Variants in PCDHGA2 observed in about 807,000 individuals in gnomAD.
The protein encoded by PCDHGA2 is protocadherin gamma subfamily A, 2, also known as protocadherin gamma-A2.
A neutral mutation model predicts 59.2 loss-of-function variants in PCDHGA2; 40 were observed. The ratio of observed to expected loss-of-function variants is 0.68; its 90% confidence interval spans 0.52 to 0.88. The LOEUF is 0.88. PCDHGA2 is among the 40% of genes least tolerant of loss of function. The pLI, the probability that PCDHGA2 is intolerant of heterozygous loss-of-function variation, is 0.00. For synonymous variants in PCDHGA2, 560 were observed against 526.0 expected (o/e 1.06, Z -0.89); for missense variants, 1,226 against 1,204.0 (o/e 1.02, Z -0.27).
chr5:141,395,547 TGTGTGTGTG>T (rs754815609), intron 1 of PCDHGA2: 25,854 of 174,180 alleles, frequency 0.15, 2,316 homozygotes, highest in South Asian at 0.18. Flanking sequence ...ATTGTTTGTG[TGTGTGTGTG>T]TGTGTGTGTG....
chr5:141,339,806 T>C lies in PCDHGA2; in HGVS notation c.835T>C (p.Tyr279His). The part of the protein sequence containing the change: ...ADEGYYAQVV[Y>H]FLEKSPGETS... ...TGAGGGCTACTACGCTCAAGTGGTATATTTTCTAGAGAAAAGCCCTGGAGA... is the reference window on the plus strand; with the variant it reads ...TGAGGGCTACTACGCTCAAGTGGTACATTTTCTAGAGAAAAGCCCTGGAGA... The change falls in exon 1 of 4, where the codon TAT (tyrosine) becomes CAT (histidine). Residue 279 changes from tyrosine to histidine, a missense_variant. Transcript: ENST00000394576. 1 of 1,614,084 alleles carries C rather than the reference T, an allele frequency of 6.2e-7. No homozygotes were observed. The highest frequency in any genetic ancestry group is 2.2e-5 in the East Asian group (1 of 44,894).
intron 1 of PCDHGA2, chr5:141,383,762 T>G (rs777698869): frequency 4.3e-6 from 7 of 1,613,846 alleles, no homozygotes; most frequent in Non-Finnish European, 5.9e-6. Context: ...ACTCCTAAAC[T>G]TCCAAAGATG....
At chr5:141,377,431 A>T (rs1773974129) in intron 1 of PCDHGA2, 1 of 152,002 alleles carries the variant, frequency 6.6e-6, no homozygotes, top group East Asian at 1.9e-4. Context: ...CTCTGTCTCT[A>T]CCAAAAAGAA....
chr5:141,487,162 G>T lies in PCDHGA2; in HGVS notation c.2425-7645G>T, dbSNP rs2099640627. 6.2e-7 allele frequency: 1 copy of T among 1,613,496 alleles called. No individual in the cohort carries two copies. Among genetic ancestry groups the T allele is most frequent in the African/African-American group, 1.3e-5 (1 of 75,026 alleles). On this transcript the variant is annotated intron_variant, in intron 1 of 3. Transcript: ENST00000394576. This position sits in a 1 kb window ranked among gnomAD's most constrained non-coding sequence, Gnocchi z 5.0. ...TCTCTACCTCTGTTACTCTCTTAGTGTCCTTAGAGGAAGACACTCATCCAG... is the reference window on the plus strand; with the variant it reads ...TCTCTACCTCTGTTACTCTCTTAGTTTCCTTAGAGGAAGACACTCATCCAG...
chr5:141,398,799 C>A, intron 1 of PCDHGA2: 1 of 1,613,966 alleles, frequency 6.2e-7, no homozygotes, highest in South Asian at 1.1e-5. Context: ...CCCTAAGCGG[C>A]ACCACTGAGC....
At chr5:141,413,271 C>T in intron 1 of PCDHGA2, 1 of 1,613,940 alleles carries the variant, frequency 6.2e-7, no homozygotes, top group Non-Finnish European at 8.5e-7. Flanking sequence ...AGGCTGGAGC[C>T]CGGCAGATCT....
chr5:141,454,272 A>G (rs1226625529), intron 1 of PCDHGA2, among the ~76,000 whole-genome samples: 1 of 152,200 alleles, frequency 6.6e-6, no homozygotes, highest in Non-Finnish European at 1.5e-5. Context: ...ATGCCAGCAA[A>G]AACTTCACAT....
At chr5:141,422,806 C>A in intron 1 of PCDHGA2, 1 of 1,614,208 alleles carries the variant, frequency 6.2e-7, no homozygotes, top group Non-Finnish European at 8.5e-7. Flanking sequence ...TGAGCAGTTT[C>A]GAGACTTAGA....
chr5:141,393,393 C>G (rs1244010216), intron 1 of PCDHGA2: 2 of 1,613,900 alleles, frequency 1.2e-6, no homozygotes, highest in African/African-American at 1.3e-5. Context: ...AAACCCAGAG[C>G]TGGTGCTGGA....
intron 1 of PCDHGA2, chr5:141,355,950 T>A: frequency 6.2e-7 from 1 of 1,613,924 alleles, no homozygotes; most frequent in Non-Finnish European, 8.5e-7. Flanking sequence ...ACCACGTAAG[T>A]GTTCGTGAGA....
At chr5:141,382,654 A>G in intron 1 of PCDHGA2, 1 of 413,618 alleles carries the variant, frequency 2.4e-6, no homozygotes, top group Non-Finnish European at 4.3e-6. Flanking sequence ...CTTAGTAAGG[A>G]CTCACAGCGC....
chr5:141,373,227 T>A (rs545943961), intron 1 of PCDHGA2, among the ~76,000 whole-genome samples: 1 of 152,232 alleles, frequency 6.6e-6, no homozygotes. Flanking sequence ...AACCTGTATA[T>A]AATATTTTTA....
In PCDHGA2 at chr5:141,340,567, G is replaced by A. The variant is rs1756958704; in HGVS notation, c.1596G>A (p.Val532=). The change falls in exon 1 of 4, where the codon GTG becomes GTA. Residue 532 remains valine (V), a synonymous_variant. Transcript: ENST00000394576. The stretch of plus-strand genomic sequence containing the variant: ...AGTTGCGAGACTTGCAAGTGTGGGT[G>A]ATAGCGCGGGACAGCGGGAACCCTC... ...YEQLRDLQVW[V]IARDSGNPPL... is the part of the protein sequence containing the mutation. The A allele has an allele frequency of 6.2e-7, 1 of 1,614,244 alleles. No homozygotes were observed. Among genetic ancestry groups the A allele is most frequent in the Non-Finnish European group, 8.5e-7 (1 of 1,180,046 alleles).
chr5:141,395,195 C>T (rs1317395472), intron 1 of PCDHGA2: 1 of 1,613,760 alleles, frequency 6.2e-7, no homozygotes, highest in Admixed American at 1.7e-5. Context: ...TGTTAACATC[C>T]GTAGATTTTC....
At chr5:141,406,173 T>C (rs1317526026) in intron 1 of PCDHGA2, among the ~76,000 whole-genome samples, 2 of 151,712 alleles carry the variant, frequency 1.3e-5, no homozygotes, top group African/African-American at 4.8e-5. Context: ...CCTGGGCTTA[T>C]GCAATCCTCC....
rs200686404 is a variant in PCDHGA2 at position 141,477,185 on chromosome 5, G to A, written c.2425-17622G>A. On this transcript the variant is annotated intron_variant, in intron 1 of 3. Transcript: ENST00000394576. The surrounding 1 kb of genome is among the most constrained non-coding windows in gnomAD (Gnocchi z 4.9). ...CGCCCCGGAGATCACAGTCACCTCCGTGTACAGCCCAGTACCCGAGGATGC... is the reference window on the plus strand; with the variant it reads ...CGCCCCGGAGATCACAGTCACCTCCATGTACAGCCCAGTACCCGAGGATGC... 1.2e-6 allele frequency: 2 copies of A among 1,614,210 alleles called. No individual in the cohort carries two copies. Among genetic ancestry groups the A allele is most frequent in the South Asian group, 1.1e-5 (1 of 91,084 alleles).
chr5:141,424,087 A>C, intron 1 of PCDHGA2: 1 of 933,106 alleles, frequency 1.1e-6, no homozygotes, highest in Non-Finnish European at 1.3e-6. Flanking sequence ...TTCCACCATT[A>C]TTTGCTATTA....
At position 141,482,865 on chromosome 5, in the gene PCDHGA2, A is replaced by G. The variant is rs557581796; in HGVS notation, c.2425-11942A>G. ...GGTGGGCAGATCACTTGAGGTCAGG[A>G]GTTTGAAACCAGCCTGGCCAACATG... On this transcript the variant is annotated intron_variant, in intron 1 of 3. Coordinates refer to ENST00000394576, the MANE Select transcript of PCDHGA2 (RefSeq NM_018915.4). Among the ~76,000 whole-genome samples, 66 of 152,206 alleles carry G rather than the reference A, an allele frequency of 4.3e-4. 1 individual carries two copies. Among genetic ancestry groups the G allele is most frequent in the African/African-American group, 1.5e-3 (61 of 41,516 alleles).
At chr5:141,364,651 C>T in intron 1 of PCDHGA2, 3 of 1,614,064 alleles carry the variant, frequency 1.9e-6, no homozygotes, top group Non-Finnish European at 2.5e-6. Flanking sequence ...TGAACTTTAA[C>T]ATCTTGGTTG....
Sources: gnomAD v4.1 joint callset for allele counts (sites outside exome capture counted in the v4.1 genomes callset) on GRCh38, gnomAD v4.1.1 for gene constraint, Gnocchi (gnomAD v3.1) non-coding constraint, MANE v1.5 for transcripts, NCBI Gene and HGNC (gene_info 2026-07-23, HGNC 2026-07-21) for gene names.